ADD2: variants seen among roughly 807,000 people sequenced by gnomAD.
ADD2 encodes the protein adducin 2.
ADD2 carries 23 observed loss-of-function variants against 83.0 expected under a neutral mutation model. The ratio of observed to expected loss-of-function variants is 0.28; its 90% CI spans 0.20 to 0.39. The LOEUF (loss-of-function observed/expected upper bound fraction) is 0.39, where lower values mean the gene tolerates loss of function less well. ADD2 is among the 10% of genes least tolerant of loss of function. The pLI is 1.00. For synonymous variants in ADD2, 375 were observed against 375.4 expected (o/e 1.00, Z 0.01); for missense variants, 758 against 944.9 (o/e 0.80, Z 2.59).
At chr2:70,708,940 T>C (rs985823742) in intron 2 of ADD2, among the ~76,000 whole-genome samples, 2 of 152,210 alleles carry the variant, frequency 1.3e-5, no homozygotes, top group Non-Finnish European at 2.9e-5. Flanking sequence ...CCATTTTCTG[T>C]AGGTCACTTT....
chr2:70,747,048 C>T (rs996701499), intron 1 of ADD2, among the ~76,000 whole-genome samples: 4 of 133,804 alleles, frequency 3.0e-5, no homozygotes, highest in Admixed American at 8.3e-5. Context: ...CTCGCTCTGT[C>T]GCCCAGGCTG....
chr2:70,747,742 C>T (rs868908271), intron 1 of ADD2, among the ~76,000 whole-genome samples: 4 of 152,268 alleles, frequency 2.6e-5, no homozygotes, highest in South Asian at 2.1e-4. Context: ...TTGTGTTCAG[C>T]GACAGTATCT....
chr2:70,675,475 C>G (rs995057411), intron 13 of ADD2: 1 of 985,434 alleles, frequency 1.0e-6, no homozygotes, highest in Non-Finnish European at 1.2e-6. Context: ...CTGTGGAGCC[C>G]GTGGTTCTAG....
intron 9 of ADD2, among the ~76,000 whole-genome samples, chr2:70,686,333 C>G (rs1553370533): frequency 6.6e-6 from 1 of 152,200 alleles, no homozygotes; most frequent in Non-Finnish European, 1.5e-5. Context: ...TATCTGTCTG[C>G]ATTGCCTGAG....
intron 2 of ADD2, among the ~76,000 whole-genome samples, chr2:70,712,160 T>C (rs1553375573): frequency 6.6e-6 from 1 of 152,136 alleles, no homozygotes; most frequent in Non-Finnish European, 1.5e-5. Flanking sequence ...AAAATAAAGA[T>C]AGGCTGGGTG....
At position 70,706,394 on chromosome 2, in the gene ADD2, C is replaced by A; in HGVS notation, c.15G>T (p.Thr5=). The A allele has an allele frequency of 6.2e-7, 1 of 1,606,998 alleles. No individual in the cohort carries two copies. Among genetic ancestry groups the A allele is most frequent in the Non-Finnish European group, 8.5e-7 (1 of 1,176,978 alleles). ...GCGGCGGCGAGGCAGCCTCGGGGAC[C>A]GTCTCTTCGCTCATTTTCCCGGTGG... The part of the protein sequence containing the change: MSEE[T]VPEAASPPPP... The change falls in exon 3 of 16, where the codon ACG becomes ACT. Residue 5 remains threonine (T), a synonymous_variant. Coordinates refer to ENST00000264436, the MANE Select transcript of ADD2 (RefSeq NM_001617.4). The surrounding 1 kb of genome is among the most constrained non-coding windows in gnomAD (Gnocchi z 5.0).
intron 1 of ADD2, among the ~76,000 whole-genome samples, chr2:70,738,176 G>T (rs1237885565): frequency 1.3e-5 from 2 of 152,200 alleles, no homozygotes; most frequent in African/African-American, 4.8e-5. Flanking sequence ...AGAACAGGAT[G>T]TTCAAATGAT....
chr2:70,745,272 C>T (rs142335043), intron 1 of ADD2, among the ~76,000 whole-genome samples: 1 of 151,890 alleles, frequency 6.6e-6, no homozygotes, highest in East Asian at 1.9e-4. Context: ...GGCGACAGAG[C>T]GATACTCCGT....
chr2:70,708,174 C>T (rs1672000044), intron 2 of ADD2, among the ~76,000 whole-genome samples: 1 of 152,124 alleles, frequency 6.6e-6, no homozygotes, highest in Non-Finnish European at 1.5e-5. Flanking sequence ...GAAGGCCATC[C>T]CATCAGCCCA....
chr2:70,689,131 T>C (rs1670895509), intron 8 of ADD2, among the ~76,000 whole-genome samples: 1 of 152,060 alleles, frequency 6.6e-6, no homozygotes, highest in South Asian at 2.1e-4. Flanking sequence ...TCTCAGCTAA[T>C]TAGGGGAAGC....
Position 70,704,333 on chromosome 2 carries a change from T to A in ADD2, c.310A>T (p.Thr104Ser). Residue 104 changes from threonine (T) to serine (S), a missense_variant, in exon 4 of 16, where the codon ACA (threonine) becomes TCA (serine). Thr to Ser is a moderately conservative substitution (Grantham distance 58, BLOSUM62 1). This residue lies in a region of ADD2 where 175 missense variants were observed against 192.1 expected (regional missense o/e 0.91). Transcript: ENST00000264436. The stretch of plus-strand genomic sequence containing the variant: ...AGACACCACATACTCATGGAAGATG[T>A]CGGGAAGACTGCGTGGGAGGTGCTG... ...MASTSHAVFP[T>S]SSMNVSMMTP... The A allele has an allele frequency of 6.3e-7, 1 of 1,596,450 alleles. No individual in the cohort carries two copies.
intron 1 of ADD2, among the ~76,000 whole-genome samples, chr2:70,713,924 T>C (rs1672333007): frequency 6.6e-6 from 1 of 151,994 alleles, no homozygotes; most frequent in South Asian, 2.1e-4. Context: ...GCCTGAAGAA[T>C]ATCGCATCCC....
chr2:70,755,783 G>A (rs12475535), intron 1 of ADD2, among the ~76,000 whole-genome samples: 65,927 of 151,972 alleles, frequency 0.43, 16,228 homozygotes, highest in African/African-American at 0.68. Context: ...GTTTACGGCC[G>A]GGCACGGTGG....
chr2:70,726,173 C>T (rs1320962179), intron 1 of ADD2, among the ~76,000 whole-genome samples: 1 of 110,120 alleles, frequency 9.1e-6, no homozygotes, highest in Non-Finnish European at 1.7e-5. Flanking sequence ...GGCGACAGAG[C>T]GAGACTCCAT....
rs1675530571 is a variant in ADD2, at chr2:70,661,350, G to C, written c.*2075C>G. On this transcript the variant is annotated 3_prime_UTR_variant, in exon 16 of 16. Transcript: ENST00000264436. Reference sequence around the variant, plus strand: ...CATGTAAGGATAAATGAATAAGTGTGAAATCTACTTTTTAAAAGAAGGCAT... The same window carrying C: ...CATGTAAGGATAAATGAATAAGTGTCAAATCTACTTTTTAAAAGAAGGCAT... 1.3e-5 allele frequency: 2 copies of C among 152,196 alleles called. No homozygotes were observed. Among genetic ancestry groups the C allele is most frequent in the Admixed American group, 1.3e-4 (2 of 15,280 alleles). The allele number at this position is 152,196 out of a possible 1,614,324, so 9.4% of individuals were successfully genotyped here.
At position 70,700,644 on chromosome 2, in the gene ADD2, C is replaced by G. The variant is rs375434677; in HGVS notation, c.322+3677G>C. On this transcript the variant is annotated intron_variant, in intron 4 of 15. Transcript: ENST00000264436. ...AGAATAACAGGACCAATAAGTAAAT[C>G]CAAGAATTGGCTTATGTGAGATGAT... 2.6e-5 allele frequency among the ~76,000 whole-genome samples: 4 copies of G among 152,010 alleles called. No homozygotes were observed. In the East Asian group the frequency reaches 5.8e-4, roughly 22 times the overall value.
chr2:70,703,445 G>A (rs1473271539), intron 4 of ADD2, among the ~76,000 whole-genome samples: 6 of 152,176 alleles, frequency 3.9e-5, no homozygotes, highest in African/African-American at 1.4e-4. Context: ...TGTTGGGAAC[G>A]TAAATTGGAT....
Position 70,676,486 on chromosome 2 carries a change from C to G in ADD2, c.1593+310G>C. 1 of 1,319,932 alleles carries G rather than the reference C, an allele frequency of 7.6e-7. No individual in the cohort carries two copies. The highest frequency in any genetic ancestry group is 9.7e-7 in the Non-Finnish European group (1 of 1,032,574). 81.8% of individuals were successfully genotyped at this position (1,319,932 alleles called of 1,614,324 possible). A position where few individuals can be genotyped will look rare whatever the true frequency, so the allele number is the denominator to read the frequency against. On this transcript the variant is annotated intron_variant, in intron 13 of 15. Transcript: ENST00000264436. This position sits in a 1 kb window ranked among gnomAD's most constrained non-coding sequence, Gnocchi z 4.8. ...CCCAAGCCTATGAGTCCCCACTTCACGGGGTAGTAAGGGAGGACAGAGTGG... is the reference window on the plus strand; with the variant it reads ...CCCAAGCCTATGAGTCCCCACTTCAGGGGGTAGTAAGGGAGGACAGAGTGG...
At chr2:70,741,540 C>G (rs1673906910) in intron 1 of ADD2, 1 of 152,216 alleles carries the variant, frequency 6.6e-6, no homozygotes, top group Non-Finnish European at 1.5e-5. Context: ...CTTTGGCGTA[C>G]AGGAGAAGAT....
Sources: gnomAD v4.1 joint callset for allele counts (sites outside exome capture counted in the v4.1 genomes callset) on GRCh38, gnomAD v4.1.1 for gene constraint, gnomAD v4.1.1 regional missense constraint, Gnocchi (gnomAD v3.1) non-coding constraint, MANE v1.5 for transcripts, NCBI Gene and HGNC (gene_info 2026-07-23, HGNC 2026-07-21) for gene names.